Variants in SORCS3 observed in about 807,000 individuals in gnomAD.
The protein encoded by SORCS3 is VPS10 domain-containing receptor SorCS3.
A neutral mutation model predicts 146.3 loss-of-function variants in SORCS3; 57 were observed. The ratio of observed to expected loss-of-function variants is 0.39; its 90% CI spans 0.31 to 0.49. SORCS3 has a LOEUF of 0.49. Among genes scored for constraint, SORCS3 ranks in the 20% least tolerant of loss-of-function variants. The pLI is 0.92. For synonymous variants in SORCS3, 653 were observed against 618.5 expected, an observed-to-expected ratio of 1.06 and a Z score of -0.83; for missense variants, 1,341 against 1,575.5, an observed-to-expected ratio of 0.85 and a Z score of 2.52.
intron 2 of SORCS3, among the ~76,000 whole-genome samples, chr10:104,856,308 A>T (rs11192207): frequency 0.096 from 14,548 of 150,922 alleles, 882 homozygotes; most frequent in South Asian, 0.24. Flanking sequence ...TATATCATCA[A>T]TTAGAGGCAT....
chr10:104,991,481 A>G (rs1343608460), intron 4 of SORCS3, among the ~76,000 whole-genome samples: 3 of 146,226 alleles, frequency 2.1e-5, no homozygotes, highest in South Asian at 2.2e-4. Context: ...ATGTCTTTCT[A>G]TGTCCTGATT....
intron 1 of SORCS3, among the ~76,000 whole-genome samples, chr10:104,748,684 C>A (rs1045844771): frequency 4.6e-5 from 7 of 152,096 alleles, no homozygotes; most frequent in Non-Finnish European, 1.0e-4. Flanking sequence ...GAAACCCCGT[C>A]TCTACTAAAA....
chr10:104,883,769 A>C (rs2133577447), intron 2 of SORCS3, among the ~76,000 whole-genome samples: 1 of 152,296 alleles, frequency 6.6e-6, no homozygotes, highest in East Asian at 1.9e-4. Flanking sequence ...AGGCTGGGCC[A>C]ATTCAACTTC....
At chr10:105,069,448 C>T (rs1564746804) in intron 5 of SORCS3, among the ~76,000 whole-genome samples, 1 of 152,202 alleles carries the variant, frequency 6.6e-6, no homozygotes, top group Non-Finnish European at 1.5e-5. Flanking sequence ...TCAGTTTCCT[C>T]ATCAGCCTAA....
chr10:104,980,889 G>A (rs934804268), intron 4 of SORCS3, among the ~76,000 whole-genome samples: 1 of 152,176 alleles, frequency 6.6e-6, no homozygotes, highest in African/African-American at 2.4e-5. Context: ...AAACAAAATT[G>A]CATCTAGAAA....
intron 5 of SORCS3, among the ~76,000 whole-genome samples, chr10:105,046,448 A>C (rs2055372050): frequency 6.6e-6 from 1 of 152,080 alleles, no homozygotes; most frequent in African/African-American, 2.4e-5. Flanking sequence ...GCAGAAGGAC[A>C]CTGTGCTCCA....
intron 1 of SORCS3, among the ~76,000 whole-genome samples, chr10:104,724,119 G>T (rs1470681467): frequency 3.3e-5 from 5 of 152,144 alleles, no homozygotes; most frequent in Non-Finnish European, 7.3e-5. Flanking sequence ...GGTACCGGTT[G>T]TTCCTTTCCA....
intron 2 of SORCS3, among the ~76,000 whole-genome samples, chr10:104,856,895 G>T (rs1017386718): frequency 6.8e-6 from 1 of 146,590 alleles, no homozygotes. Context: ...AGAGAAAGAT[G>T]AGGGAAGAGA....
rs191791376 is a variant in SORCS3 at position 105,209,164 on chromosome 10, G to A, written c.2262-1973G>A. Reference sequence around the variant, plus strand: ...GATAATTTTTTTTTTCTTTTGAGACGGAGTTTCGCTCTTGTTGCCCAGGCT... The same window carrying A: ...GATAATTTTTTTTTTCTTTTGAGACAGAGTTTCGCTCTTGTTGCCCAGGCT... On this transcript the variant is annotated intron_variant, in intron 16 of 26. Coordinates refer to ENST00000369701, the MANE Select transcript of SORCS3 (RefSeq NM_014978.3). Among the ~76,000 whole-genome samples the A allele has an allele frequency of 1.1e-3, 160 of 151,866 alleles. 1 individual carries two copies. Among genetic ancestry groups the A allele is most frequent in the South Asian group, 0.01 (50 of 4,812 alleles).
At chr10:105,172,068 T>C (rs1483872526) in intron 13 of SORCS3, among the ~76,000 whole-genome samples, 5 of 152,200 alleles carry the variant, frequency 3.3e-5, no homozygotes, top group African/African-American at 4.8e-5. Context: ...TGCTGAGCAA[T>C]AGTAAATCTA....
At chr10:105,172,662 A>C (rs552102981) in intron 13 of SORCS3, among the ~76,000 whole-genome samples, 1 of 152,288 alleles carries the variant, frequency 6.6e-6, no homozygotes, top group African/African-American at 2.4e-5. Flanking sequence ...AGCTGCCTAA[A>C]ATTCATATAA....
At chr10:104,873,110 G>A (rs1346890691) in intron 2 of SORCS3, among the ~76,000 whole-genome samples, 1 of 152,186 alleles carries the variant, frequency 6.6e-6, no homozygotes, top group Non-Finnish European at 1.5e-5. Flanking sequence ...CTGGTCACAC[G>A]AATGTGTCCG....
At chr10:105,153,438 T>C (rs954209735) in intron 9 of SORCS3, among the ~76,000 whole-genome samples, 13 of 152,204 alleles carry the variant, frequency 8.5e-5, no homozygotes, top group Non-Finnish European at 1.6e-4. Flanking sequence ...CCATAAATTT[T>C]TATTTCTCAT....
At chr10:105,115,854 A>T (rs181090564) in intron 7 of SORCS3, among the ~76,000 whole-genome samples, 1 of 152,198 alleles carries the variant, frequency 6.6e-6, no homozygotes, top group South Asian at 2.1e-4. Flanking sequence ...TCTTAATGGG[A>T]GAGATTTTGA....
intron 22 of SORCS3, among the ~76,000 whole-genome samples, chr10:105,248,533 G>T (rs1186116270): frequency 6.6e-6 from 1 of 152,094 alleles, no homozygotes; most frequent in African/African-American, 2.4e-5. Flanking sequence ...GGCCAACATG[G>T]TGAAACCCTG....
chr10:105,244,207 A>T lies in SORCS3; in HGVS notation c.2869-1335A>T, dbSNP rs374815543. On this transcript the variant is annotated intron_variant, in intron 20 of 26. Transcript: ENST00000369701. ...TGAATAATGACTCATCAGACTGAAG[A>T]TCTGTACTCTCTTCTCTCCAATAAG... Among the ~76,000 whole-genome samples the T allele has an allele frequency of 7.8e-4, 119 of 152,214 alleles. 8 individuals are homozygous for T. In the South Asian group the frequency reaches 0.023, roughly 30 times the overall value.
chr10:104,905,761 C>A lies in SORCS3; in HGVS notation c.696-10072C>A, dbSNP rs564718780. 1.7e-4 allele frequency among the ~76,000 whole-genome samples: 26 copies of A among 152,222 alleles called. No homozygotes were observed. In the South Asian group the frequency reaches 5.0e-3, roughly 29 times the overall value. On this transcript the variant is annotated intron_variant, in intron 2 of 26. Transcript: ENST00000369701. ...CTGAGAGTGACAAAGATGCTGAGCA[C>A]TGGGAAAGCAGAGGCAGGTGAGATG...
At chr10:104,909,001 T>C (rs2018937361) in intron 2 of SORCS3, among the ~76,000 whole-genome samples, 1 of 151,884 alleles carries the variant, frequency 6.6e-6, no homozygotes, top group South Asian at 2.1e-4. Flanking sequence ...GAAGTTGTCT[T>C]AGAGACAAAA....
At chr10:105,010,976 C>G (rs1170524226) in intron 4 of SORCS3, among the ~76,000 whole-genome samples, 1 of 152,052 alleles carries the variant, frequency 6.6e-6, no homozygotes, top group Admixed American at 6.6e-5. Flanking sequence ...TAGAGGATTT[C>G]TTAGTCTCAG....
Sources: gnomAD v4.1 joint callset for allele counts (sites outside exome capture counted in the v4.1 genomes callset) on GRCh38, gnomAD v4.1.1 for gene constraint, MANE v1.5 for transcripts, NCBI Gene and HGNC (gene_info 2026-07-23, HGNC 2026-07-21) for gene names.